The following BABAM2 variants were observed in gnomAD, a reference collection of about 807,000 sequenced individuals.
BABAM2 encodes BRISC and BRCA1 A complex member 2, also known as BRISC and BRCA1-A complex member 2.
BABAM2 carries 31 observed loss-of-function variants against 54.7 expected under a neutral mutation model. The ratio of observed to expected loss-of-function variants is 0.57; its 90% CI spans 0.43 to 0.77. The LOEUF is 0.77. Ranked by LOEUF, BABAM2 falls within the 30% of genes least tolerant of loss-of-function variation. The pLI is 0.00. For missense variants in BABAM2, 364 were observed against 455.8 expected (o/e 0.80, Z 1.83); for synonymous variants, 167 against 162.9 (o/e 1.03, Z -0.19).
At chr2:28,269,112 C>T (rs897331699) in intron 10 of BABAM2, among the ~76,000 whole-genome samples, 6 of 152,206 alleles carry the variant, frequency 3.9e-5, no homozygotes, top group South Asian at 2.1e-4. Flanking sequence ...AGGGTAACCA[C>T]ATTACTTAAT....
chr2:28,112,035 T>G (rs1283512782), intron 6 of BABAM2, among the ~76,000 whole-genome samples: 2 of 152,086 alleles, frequency 1.3e-5, no homozygotes, highest in East Asian at 3.9e-4. Flanking sequence ...TTCCTCACCT[T>G]TTACCACTTC....
chr2:28,103,820 A>G (rs917700941), intron 6 of BABAM2, among the ~76,000 whole-genome samples: 11 of 152,222 alleles, frequency 7.2e-5, no homozygotes, highest in Non-Finnish European at 1.3e-4. Context: ...GGGAGTCAGC[A>G]GTTTAGTTGT....
Position 28,196,836 on chromosome 2 carries a change from C to CTTTTTTTTTTTTTTT in BABAM2, c.681-40353_681-40339dup, listed in dbSNP as rs759950166. 1.2e-4 allele frequency among the ~76,000 whole-genome samples: 5 copies of CTTTTTTTTTTTTTTT among 40,244 alleles called. 1 individual carries two copies. The highest frequency in any genetic ancestry group is 4.8e-4 in the African/African-American group (5 of 10,468). 26.4% of individuals were successfully genotyped at this position (40,244 alleles called of 152,430 possible). A position where few individuals can be genotyped will look rare whatever the true frequency, so the allele number is the denominator to read the frequency against. On this transcript the variant is annotated intron_variant, in intron 7 of 11. Transcript: ENST00000379624. ...CCTGGGTGACAGAGTGAGACCCTGT[C>CTTTTTTTTTTTTTTT]TTTTTTTTTTTTTTTTTTTTTTTTT... is the stretch of plus-strand genomic sequence containing the variant.
At chr2:28,297,873 T>TA (rs1388102376) in intron 10 of BABAM2, among the ~76,000 whole-genome samples, 1 of 152,200 alleles carries the variant, frequency 6.6e-6, no homozygotes, top group Non-Finnish European at 1.5e-5. Flanking sequence ...ACAGCCTCTG[T>TA]CCCACTGCCT....
At chr2:28,122,795 C>T (rs949572632) in intron 6 of BABAM2, among the ~76,000 whole-genome samples, 3 of 152,238 alleles carry the variant, frequency 2.0e-5, no homozygotes, top group East Asian at 1.9e-4. Context: ...TTGTTTTCTA[C>T]ACCCTTTTGA....
intron 8 of BABAM2, among the ~76,000 whole-genome samples, chr2:28,240,799 G>A (rs1313051175): frequency 3.3e-5 from 5 of 150,670 alleles, no homozygotes; most frequent in African/African-American, 4.9e-5. Flanking sequence ...GAACCCAGGA[G>A]GTGGAGGTTG....
chr2:28,247,023 G>A (rs920614640), intron 10 of BABAM2, among the ~76,000 whole-genome samples: 2 of 152,192 alleles, frequency 1.3e-5, no homozygotes, highest in Non-Finnish European at 2.9e-5. Context: ...AATCAGACAT[G>A]CAGAATTGAG....
At chr2:28,097,496 T>C (rs1666730646) in intron 6 of BABAM2, among the ~76,000 whole-genome samples, 1 of 152,230 alleles carries the variant, frequency 6.6e-6, no homozygotes, top group African/African-American at 2.4e-5. Context: ...TTCATCTCTT[T>C]GGACCACTTT....
intron 6 of BABAM2, 107 bp downstream of exon 6, chr2:28,045,906 A>C: frequency 2.3e-6 from 2 of 878,210 alleles, no homozygotes; most frequent in Non-Finnish European, 3.3e-6. Context: ...CAGATGATGA[A>C]TTCTATTAAA....
At chr2:28,171,112 A>AAT (rs78174752) in intron 7 of BABAM2, among the ~76,000 whole-genome samples, 84,581 of 148,640 alleles carry the variant, frequency 0.57, 24,379 homozygotes, top group Middle Eastern at 0.63. Context: ...TGCTTTTTAA[A>AAT]ATATATATAT....
At chr2:28,026,891 T>A (rs1675818828) in intron 5 of BABAM2, among the ~76,000 whole-genome samples, 1 of 28,522 alleles carries the variant, frequency 3.5e-5, no homozygotes, top group Non-Finnish European at 7.4e-5. Flanking sequence ...TATATAGATA[T>A]ATATAAATAT....
intron 11 of BABAM2, among the ~76,000 whole-genome samples, chr2:28,315,852 T>C (rs1689510581): frequency 1.3e-5 from 2 of 152,082 alleles, no homozygotes; most frequent in Admixed American, 6.6e-5. Context: ...GGTGTTGATA[T>C]GTAAATCATA....
chr2:27,890,479 G>A (rs1279650991), upstream of BABAM2: 7 of 740,834 alleles, frequency 9.4e-6, no homozygotes, highest in African/African-American at 5.3e-5. The surrounding 1 kb of genome is among the most constrained non-coding windows in gnomAD (Gnocchi z 4.8). Flanking sequence ...CCACCTGACT[G>A]CCCGAAATCA....
At chr2:27,975,174 TC>T (rs1431880994) in intron 3 of BABAM2, among the ~76,000 whole-genome samples, 1 of 152,082 alleles carries the variant, frequency 6.6e-6, no homozygotes, top group Non-Finnish European at 1.5e-5. Flanking sequence ...AAGTCAATTT[TC>T]CCTAAATTAA....
intron 7 of BABAM2, among the ~76,000 whole-genome samples, chr2:28,161,805 T>TCTC (rs553793930): frequency 1.3e-5 from 2 of 152,104 alleles, no homozygotes; most frequent in African/African-American, 4.8e-5. Flanking sequence ...GCTAATTTAA[T>TCTC]CACTCATCTG....
chr2:27,996,998 A>G (rs1053905905), intron 4 of BABAM2, among the ~76,000 whole-genome samples: 2 of 152,204 alleles, frequency 1.3e-5, no homozygotes, highest in East Asian at 1.9e-4. Flanking sequence ...TTTAAAATTT[A>G]CTTTCAAAGC....
chr2:28,008,456 C>T (rs982982891), intron 4 of BABAM2, among the ~76,000 whole-genome samples: 2 of 152,086 alleles, frequency 1.3e-5, no homozygotes, highest in African/African-American at 2.4e-5. Flanking sequence ...ATGTATGAAA[C>T]AGTTGGAATT....
intron 4 of BABAM2, among the ~76,000 whole-genome samples, chr2:27,993,412 T>C (rs1037109613): frequency 6.6e-6 from 1 of 151,890 alleles, no homozygotes; most frequent in Non-Finnish European, 1.5e-5. Context: ...AGAAAAAAAA[T>C]TTAGAGAAAT....
intron 7 of BABAM2, among the ~76,000 whole-genome samples, chr2:28,231,898 C>T (rs2148043150): frequency 7.1e-6 from 1 of 141,682 alleles, no homozygotes; most frequent in South Asian, 2.3e-4. Context: ...ACCTCCAACT[C>T]CTGGCCTCAA....
Sources: allele counts gnomAD v4.1 joint callset (sites outside exome capture counted in the v4.1 genomes callset), GRCh38; gene constraint gnomAD v4.1.1; non-coding constraint Gnocchi (gnomAD v3.1); transcripts MANE v1.5; gene names NCBI Gene and HGNC (gene_info 2026-07-23, HGNC 2026-07-21).